Variants in PP2D1 observed in about 807,000 individuals in gnomAD.
PP2D1 encodes the protein protein phosphatase 2C like domain containing 1.
A neutral mutation model predicts 30.2 loss-of-function variants in PP2D1; 25 were observed. The ratio of observed to expected loss-of-function variants is 0.83; its 90% CI spans 0.60 to 1.16. PP2D1 has a LOEUF of 1.16. Among genes scored for constraint, PP2D1 ranks in the 50% most tolerant of loss-of-function variants. The pLI is 0.00. For missense variants in PP2D1, 760 were observed against 742.4 expected, an observed-to-expected ratio of 1.02 and a Z score of -0.28; for synonymous variants, 260 against 258.9, an observed-to-expected ratio of 1.00 and a Z score of -0.04.
chr3:19,984,025 A>G (rs1466557686), downstream of PP2D1: 7 of 519,046 alleles, frequency 1.3e-5, no homozygotes, highest in African/African-American at 1.9e-5. Context: ...TGTTTCAACA[A>G]TAGGGAAAAA....
chr3:19,994,264 A>C (rs1274899098), intron 2 of PP2D1, among the ~76,000 whole-genome samples: 1 of 152,186 alleles, frequency 6.6e-6, no homozygotes, highest in Admixed American at 6.6e-5. Flanking sequence ...GAGGGAAGAA[A>C]GGAAGCTACA....
intron 1 of PP2D1, among the ~76,000 whole-genome samples, chr3:20,011,517 G>A (rs932178822): frequency 6.6e-6 from 1 of 152,068 alleles, no homozygotes; most frequent in Non-Finnish European, 1.5e-5. Context: ...AAATTAAATA[G>A]GCCGGGCACA....
chr3:20,001,388 C>T lies in PP2D1; in HGVS notation c.732G>A (p.Glu244=), dbSNP rs1429000525. 4 of 1,536,544 alleles carry T rather than the reference C, an allele frequency of 2.6e-6. No individual in the cohort carries two copies. In the South Asian group the frequency reaches 3.6e-5, roughly 14 times the overall value. ...FDPSYQMTTD[E]QQIINSFYTV... ...TGTAAAAGGAATTGATTATTTGTTG[C>T]TCATCAGTTGTCATTTGGTAAGAAG... The change falls in exon 2 of 3, where the codon GAG becomes GAA. Residue 244 remains glutamate, a synonymous_variant. Coordinates refer to ENST00000389050, the MANE Select transcript of PP2D1 (RefSeq NM_001252657.2).
intron 2 of PP2D1, among the ~76,000 whole-genome samples, chr3:19,993,173 A>G (rs942391307): frequency 2.0e-5 from 3 of 152,242 alleles, no homozygotes; most frequent in South Asian, 4.1e-4. Context: ...AAAGTAGTTT[A>G]CAGGGCCTCA....
chr3:19,992,260 T>G (rs905605102), intron 2 of PP2D1, among the ~76,000 whole-genome samples: 5 of 152,314 alleles, frequency 3.3e-5, no homozygotes, highest in Middle Eastern at 6.8e-3. Flanking sequence ...CCTAACTATA[T>G]TACGCACAAG....
downstream of PP2D1, among the ~76,000 whole-genome samples, chr3:19,981,996 A>G (rs1696937895): frequency 6.6e-6 from 1 of 151,924 alleles, no homozygotes; most frequent in African/African-American, 2.4e-5. Context: ...TAATCCCAAT[A>G]CTTTGAGAGG....
chr3:19,989,149 C>T (rs1697082257), intron 2 of PP2D1, among the ~76,000 whole-genome samples: 2 of 152,012 alleles, frequency 1.3e-5, no homozygotes, highest in South Asian at 4.1e-4. Context: ...GCCTGGCCAA[C>T]ATGGCGAAAC....
At chr3:20,002,993 T>G (rs1697274200) in intron 1 of PP2D1, among the ~76,000 whole-genome samples, 1 of 151,782 alleles carries the variant, frequency 6.6e-6, no homozygotes, top group Non-Finnish European at 1.5e-5. Flanking sequence ...AGACGGAGGT[T>G]GCAGTGAGCC....
rs145833104 is a variant in PP2D1 at position 19,997,950 on chromosome 3, C to G, written c.1090+3080G>C. On this transcript the variant is annotated intron_variant, in intron 2 of 2. Transcript: ENST00000389050. The stretch of plus-strand genomic sequence containing the variant: ...GTGGCTCACCCCTGTAATCCCAGCA[C>G]TTTTGGGAGGCTGAGATGAGCAGAT... Among the ~76,000 whole-genome samples, 557 of 152,234 alleles carry G rather than the reference C, an allele frequency of 3.7e-3. 2 individuals are homozygous for G. Among genetic ancestry groups the G allele is most frequent in the Admixed American group, 7.3e-3 (112 of 15,274 alleles).
chr3:20,003,596 T>C (rs1697282977), intron 1 of PP2D1, among the ~76,000 whole-genome samples: 1 of 151,722 alleles, frequency 6.6e-6, no homozygotes, highest in East Asian at 1.9e-4. Flanking sequence ...TACAAAAAAT[T>C]AGCTGAGCGT....
chr3:20,011,913 A>G, intron 1 of PP2D1, 137 bp downstream of exon 1: 1 of 595,048 alleles, frequency 1.7e-6, no homozygotes, highest in Non-Finnish European at 2.9e-6. Flanking sequence ...AGAGGGATAT[A>G]TCACTCTTCA....
chr3:19,997,869 C>T (rs9813641), intron 2 of PP2D1, among the ~76,000 whole-genome samples: 24,153 of 151,768 alleles, frequency 0.16, 2,111 homozygotes, highest in Non-Finnish European at 0.2. Context: ...AGGTTGGGGA[C>T]GGGGCAGGAC....
intron 2 of PP2D1, among the ~76,000 whole-genome samples, chr3:19,995,849 A>G (rs1375805397): frequency 9.2e-5 from 14 of 152,220 alleles, no homozygotes; most frequent in Admixed American, 9.2e-4. Flanking sequence ...TGGAAATTAA[A>G]CAACATGCTC....
downstream of PP2D1, chr3:19,984,390 G>T: frequency 7.2e-6 from 2 of 278,558 alleles, no homozygotes; most frequent in Non-Finnish European, 7.1e-6. Flanking sequence ...GAGTATTAAT[G>T]GTATCTTAAT....
downstream of PP2D1, chr3:19,985,345 A>T: frequency 7.3e-7 from 1 of 1,372,576 alleles, no homozygotes; most frequent in Non-Finnish European, 9.8e-7. Context: ...ATCACTTTAT[A>T]TTTTGGTGCT....
chr3:20,001,710 A>T lies in PP2D1; in HGVS notation c.410T>A (p.Leu137Gln). Residue 137 changes from leucine (L) to glutamine (Q), a missense_variant, in exon 2 of 3, where the codon CTG becomes CAG. Leu to Gln is a moderately radical substitution (Grantham distance 113). Around this residue, in one of 3 missense-constraint regions of PP2D1, gnomAD observed 374 missense variants for 388.8 expected, o/e 0.96. Coordinates refer to ENST00000389050, the MANE Select transcript of PP2D1 (RefSeq NM_001252657.2). ...TGCTGGTATTTGTTTTTTCCAAAGC[A>T]GCTCAAAAGCATTATTAATGCTCTG... Reference protein sequence around the residue: ...TLQSINNAFELLWKKQIPAYY... With the variant: ...TLQSINNAFEQLWKKQIPAYY... The T allele has an allele frequency of 6.5e-7, 1 of 1,532,954 alleles. No homozygotes were observed. The allele number at this position is 1,532,954 out of a possible 1,614,324, so 95.0% of individuals were successfully genotyped here.
Position 19,986,092 on chromosome 3 carries a change from A to ATTC in PP2D1, c.1178_1180dup (p.Arg393dup). On this transcript the variant is annotated inframe_insertion, in exon 3 of 3. Coordinates refer to ENST00000389050, the MANE Select transcript of PP2D1 (RefSeq NM_001252657.2). ...ACTAATGACTGCTCCATTCTGAAGT[A>ATTC]TTCTTCTTCTTTCATTTGTGTTTCG... 1 of 1,535,762 alleles carries ATTC rather than the reference A, an allele frequency of 6.5e-7. No homozygotes were observed. Among genetic ancestry groups the ATTC allele is most frequent in the South Asian group, 1.2e-5 (1 of 84,010 alleles).
intron 1 of PP2D1, among the ~76,000 whole-genome samples, chr3:20,005,630 T>G (rs1265460383): frequency 6.6e-6 from 1 of 152,160 alleles, no homozygotes; most frequent in Non-Finnish European, 1.5e-5. Flanking sequence ...ATAATAGATA[T>G]TCAACAGTTG....
At chr3:20,008,689 T>G (rs891873300) in intron 1 of PP2D1, among the ~76,000 whole-genome samples, 2 of 152,134 alleles carry the variant, frequency 1.3e-5, no homozygotes, top group African/African-American at 4.8e-5. Flanking sequence ...AGGTTGAGGC[T>G]GCAGTGAGCT....
Sources: allele counts gnomAD v4.1 joint callset (sites outside exome capture counted in the v4.1 genomes callset), GRCh38; gene constraint gnomAD v4.1.1; regional missense constraint gnomAD v4.1.1; transcripts MANE v1.5; gene names NCBI Gene and HGNC (gene_info 2026-07-23, HGNC 2026-07-21).